Variants in ARL5B observed in about 807,000 individuals in gnomAD.
The protein encoded by ARL5B is ARF like GTPase 5B.
In ARL5B, 10 loss-of-function variants were observed where a neutral mutation model predicts 26.9. The ratio of observed to expected loss-of-function variants is 0.37; its 90% CI spans 0.23 to 0.63. ARL5B has a LOEUF of 0.63. Ranked by LOEUF, ARL5B falls within the 30% of genes least tolerant of loss-of-function variation. The pLI, the probability that ARL5B is intolerant of heterozygous loss-of-function variation, is 0.62. For synonymous variants in ARL5B, 87 were observed against 70.4 expected, an observed-to-expected ratio of 1.24 and a Z score of -1.18; for missense variants, 167 against 213.9, an observed-to-expected ratio of 0.78 and a Z score of 1.37.
In ARL5B at chr10:18,680,459, T is replaced by C. The variant is rs2131656849; in HGVS notation, c.*5243T>C. Reference sequence around the variant, plus strand: ...GATGGATTCTTTTATACTGTGAATATATTTCCATCAGTGTTGGTAAGATAT... The same window carrying C: ...GATGGATTCTTTTATACTGTGAATACATTTCCATCAGTGTTGGTAAGATAT... On this transcript the variant is annotated 3_prime_UTR_variant, in exon 6 of 6. Transcript: ENST00000377275. The C allele has an allele frequency of 6.6e-6, 1 of 152,250 alleles. No homozygotes were observed. 9.4% of individuals were successfully genotyped at this position (152,250 alleles called of 1,614,324 possible). A position where few individuals can be genotyped will look rare whatever the true frequency, so the allele number is the denominator to read the frequency against.
Position 18,679,961 on chromosome 10 carries a change from T to G in ARL5B, c.*4745T>G, listed in dbSNP as rs41282230. 2.0e-5 allele frequency: 3 copies of G among 152,078 alleles called. No individual in the cohort carries two copies. Among genetic ancestry groups the G allele is most frequent in the East Asian group, 1.9e-4 (1 of 5,180 alleles). The allele number at this position is 152,078 out of a possible 1,614,324, so 9.4% of individuals were successfully genotyped here. ...TGTGGCCAAAGGAGTGAAGACTGATTAGGGTTTTAGAATTTGGAACTGTAG... is the reference window on the plus strand; with the variant it reads ...TGTGGCCAAAGGAGTGAAGACTGATGAGGGTTTTAGAATTTGGAACTGTAG... On this transcript the variant is annotated 3_prime_UTR_variant, in exon 6 of 6. Transcript: ENST00000377275.
chr10:18,666,786 G>C (rs2059863238), intron 2 of ARL5B, 151 bp downstream of exon 2: 2 of 593,334 alleles, frequency 3.4e-6, no homozygotes, highest in Non-Finnish European at 5.6e-6. Flanking sequence ...ACAATCTATA[G>C]AAAAGTGAGT....
chr10:18,671,113 C>T (rs1012650707), intron 3 of ARL5B, among the ~76,000 whole-genome samples: 2 of 152,258 alleles, frequency 1.3e-5, no homozygotes, highest in East Asian at 1.9e-4. Flanking sequence ...ACATTCTTTC[C>T]GTTTATTCCC....
intron 3 of ARL5B, 73 bp downstream of exon 3, chr10:18,668,750 C>A: frequency 6.8e-7 from 1 of 1,463,876 alleles, no homozygotes; most frequent in Non-Finnish European, 9.2e-7. Flanking sequence ...TAGGCTGCAC[C>A]TGGGCGTATT....
At position 18,681,064 on chromosome 10, in the gene ARL5B, T is replaced by G. The variant is rs2059929976; in HGVS notation, c.*5848T>G. On this transcript the variant is annotated 3_prime_UTR_variant, in exon 6 of 6. Transcript: ENST00000377275. ...AGCTTCAGGCTTTCTGCGAAAGCTC[T>G]AAGAATATCTTCATTACTATGCTTG... The G allele has an allele frequency of 6.6e-6, 1 of 152,178 alleles. No homozygotes were observed. Among genetic ancestry groups the G allele is most frequent in the Non-Finnish European group, 1.5e-5 (1 of 68,026 alleles). 9.4% of individuals were successfully genotyped at this position (152,178 alleles called of 1,614,324 possible).
At position 18,668,516 on chromosome 10, in the gene ARL5B, C is replaced by G; in HGVS notation, c.108-14C>G. The G allele has an allele frequency of 6.2e-7, 1 of 1,612,590 alleles. No homozygotes were observed. The highest frequency in any genetic ancestry group is 8.5e-7 in the Non-Finnish European group (1 of 1,179,466). ...AGATTTACAAGAGCTTTTACGGTGT[C>G]TGTTTTTCAACAGCTTAATGAATGA... On this transcript the variant is annotated splice_polypyrimidine_tract_variant and intron_variant, in intron 2 of 5. Coordinates refer to ENST00000377275, the MANE Select transcript of ARL5B (RefSeq NM_178815.5).
In ARL5B at chr10:18,675,307, A is replaced by G. The variant is rs535082711; in HGVS notation, c.*91A>G. The G allele has an allele frequency of 5.7e-5, 72 of 1,266,172 alleles. No individual in the cohort carries two copies. In the African/African-American group the frequency reaches 9.4e-4, roughly 17 times the overall value. 78.4% of individuals were successfully genotyped at this position (1,266,172 alleles called of 1,614,324 possible). A position where few individuals can be genotyped will look rare whatever the true frequency, so the allele number is the denominator to read the frequency against. The stretch of plus-strand genomic sequence containing the variant: ...GGCTGCTAAGGCAGCAGCATGTTTA[A>G]TTTATAACAACACAAACCTCTGAGA... On this transcript the variant is annotated 3_prime_UTR_variant, in exon 6 of 6. Transcript: ENST00000377275.
chr10:18,672,784 A>G, intron 4 of ARL5B, 79 bp downstream of exon 4: 2 of 842,120 alleles, frequency 2.4e-6, no homozygotes, highest in Non-Finnish European at 3.7e-6. Flanking sequence ...GCAAAGATTA[A>G]TGTGATATGA....
chr10:18,680,565 T>G lies in ARL5B; in HGVS notation c.*5349T>G, dbSNP rs1232709087. The G allele has an allele frequency of 6.6e-6, 1 of 152,120 alleles. No individual in the cohort carries two copies. The highest frequency in any genetic ancestry group is 6.6e-5 in the Admixed American group (1 of 15,258). 9.4% of individuals were successfully genotyped at this position (152,120 alleles called of 1,614,324 possible). On this transcript the variant is annotated 3_prime_UTR_variant, in exon 6 of 6. Transcript: ENST00000377275. ...TATTCACAAGAGACCATAATCATTT[T>G]AATCTTATATTTTCCCTCAGGAAAT...
In ARL5B at chr10:18,659,517, G is replaced by T. The variant is rs1590221016; in HGVS notation, c.-121G>T. On this transcript the variant is annotated 5_prime_UTR_variant, in exon 1 of 6. Coordinates refer to ENST00000377275, the MANE Select transcript of ARL5B (RefSeq NM_178815.5). ...GGTCGAGGCTTCTCGGCCTAGCAGTGCCCTCGCTGCGCGATCTCAGGCGGG... is the reference window on the plus strand; with the variant it reads ...GGTCGAGGCTTCTCGGCCTAGCAGTTCCCTCGCTGCGCGATCTCAGGCGGG... The T allele has an allele frequency of 3.1e-6, 4 of 1,294,584 alleles. No homozygotes were observed. The highest frequency in any genetic ancestry group is 4.1e-6 in the Non-Finnish European group (4 of 971,176). 80.2% of individuals were successfully genotyped at this position (1,294,584 alleles called of 1,614,324 possible).
At position 18,659,472 on chromosome 10, in the gene ARL5B, C is replaced by T. The variant is rs2059815599; in HGVS notation, c.-166C>T. On this transcript the variant is annotated 5_prime_UTR_variant, in exon 1 of 6. Transcript: ENST00000377275. The stretch of plus-strand genomic sequence containing the variant: ...AGGGCTGTCCGGTGGGGATTCGTCG[C>T]GGCGCCTTCTGAGTGGTCGGGTCGA... 3.5e-6 allele frequency: 3 copies of T among 854,254 alleles called. No homozygotes were observed. The highest frequency in any genetic ancestry group is 5.1e-6 in the Non-Finnish European group (3 of 587,868). The allele number at this position is 854,254 out of a possible 1,614,324, so 52.9% of individuals were successfully genotyped here. A position where few individuals can be genotyped will look rare whatever the true frequency, so the allele number is the denominator to read the frequency against.
chr10:18,659,456 C>G lies in ARL5B; in HGVS notation c.-182C>G, dbSNP rs1262129710. The G allele has an allele frequency of 1.4e-6, 1 of 730,644 alleles. No individual in the cohort carries two copies. The highest frequency in any genetic ancestry group is 3.5e-5 in the Admixed American group (1 of 28,682). The allele number at this position is 730,644 out of a possible 1,614,324, so 45.3% of individuals were successfully genotyped here. ...AGTGGGCTCGAAACAAAGGGCTGTC[C>G]GGTGGGGATTCGTCGCGGCGCCTTC... is the stretch of plus-strand genomic sequence containing the variant. On this transcript the variant is annotated 5_prime_UTR_variant, in exon 1 of 6. Transcript: ENST00000377275.
Position 18,672,628 on chromosome 10 carries a change from A to G in ARL5B, c.262A>G (p.Ile88Val), listed in dbSNP as rs2059892854. ...NTYYSNTEFI[I>V]LVVDSIDRER... The stretch of plus-strand genomic sequence containing the variant: ...CCTTTTAATTTTCTTCTAGTTCATC[A>G]TTCTTGTTGTTGATAGCATTGACAG... The change falls in exon 4 of 6, where the codon ATT becomes GTT. Residue 88 changes from isoleucine (I) to valine (V), a missense_variant. By Grantham distance (29) the Ile-to-Val change is conservative (BLOSUM62 3). Transcript: ENST00000377275. 1 of 1,606,070 alleles carries G rather than the reference A, an allele frequency of 6.2e-7. No individual in the cohort carries two copies. Among genetic ancestry groups the G allele is most frequent in the Non-Finnish European group, 8.5e-7 (1 of 1,176,392 alleles).
rs971845918 is a variant in ARL5B, at chr10:18,679,791, C to G, written c.*4575C>G. On this transcript the variant is annotated 3_prime_UTR_variant, in exon 6 of 6. Transcript: ENST00000377275. ...GAAAGTAAAGACAATATCATGAGGT[C>G]GAAAAAACTTCAAAAGGATATTAGG... 1 of 151,580 alleles carries G rather than the reference C, an allele frequency of 6.6e-6. No individual in the cohort carries two copies. Among genetic ancestry groups the G allele is most frequent in the African/African-American group, 2.4e-5 (1 of 41,288 alleles). The allele number at this position is 151,580 out of a possible 1,614,324, so 9.4% of individuals were successfully genotyped here.
intron 4 of ARL5B, 34 bp downstream of exon 4, chr10:18,672,739 G>A (rs931241286): frequency 1.3e-6 from 2 of 1,489,104 alleles, no homozygotes; most frequent in Non-Finnish European, 1.9e-6. Flanking sequence ...AAAAAACAGT[G>A]TAGTAAAGTA....
At chr10:18,671,105 A>T (rs540098876) in intron 3 of ARL5B, among the ~76,000 whole-genome samples, 72 of 152,246 alleles carry the variant, frequency 4.7e-4, no homozygotes, top group African/African-American at 1.7e-3. Flanking sequence ...GCCACGCGAC[A>T]TTCTTTCCGT....
chr10:18,671,640 TCTCCTCCTC>T (rs1251663530), intron 3 of ARL5B, among the ~76,000 whole-genome samples: 1 of 150,748 alleles, frequency 6.6e-6, no homozygotes, highest in Non-Finnish European at 1.5e-5. Flanking sequence ...ATCTCCTCCA[TCTCCTCCTC>T]CTCCTCCCCC....
Position 18,676,302 on chromosome 10 carries a change from A to G in ARL5B, c.*1086A>G, listed in dbSNP as rs943999115. On this transcript the variant is annotated 3_prime_UTR_variant, in exon 6 of 6. Transcript: ENST00000377275. ...GGTATTATGTAATAGACTTGAAACA[A>G]TTGCCATCTTTGTAGTTATGCCTTG... The G allele has an allele frequency of 6.6e-6, 1 of 152,472 alleles. No individual in the cohort carries two copies. The highest frequency in any genetic ancestry group is 1.5e-5 in the Non-Finnish European group (1 of 67,910). The allele number at this position is 152,472 out of a possible 1,614,324, so 9.4% of individuals were successfully genotyped here. A position where few individuals can be genotyped will look rare whatever the true frequency, so the allele number is the denominator to read the frequency against.
At chr10:18,662,695 GT>G in intron 1 of ARL5B, among the ~76,000 whole-genome samples, 1 of 147,252 alleles carries the variant, frequency 6.8e-6, no homozygotes, top group East Asian at 2.0e-4. Context: ...TTCTTTTTTT[GT>G]TGTTTGTTTG....
Sources: gnomAD v4.1 joint callset for allele counts (sites outside exome capture counted in the v4.1 genomes callset) on GRCh38, gnomAD v4.1.1 for gene constraint, MANE v1.5 for transcripts, NCBI Gene and HGNC (gene_info 2026-07-23, HGNC 2026-07-21) for gene names.